The following PDE1C variants were observed in gnomAD, a reference collection of about 807,000 sequenced individuals.
PDE1C encodes the protein dual specificity calcium/calmodulin-dependent 3',5'-cyclic nucleotide phosphodiesterase 1C.
A neutral mutation model predicts 93.1 loss-of-function variants in PDE1C; 62 were observed. The observed-to-expected ratio is 0.67, with a 90% CI of 0.54 to 0.82. The LOEUF is 0.82. PDE1C is among the 40% of genes least tolerant of loss of function. PDE1C has a pLI of 0.00. For missense variants in PDE1C, 742 were observed against 884.6 expected (o/e 0.84, Z 2.04); for synonymous variants, 325 against 310.1 (o/e 1.05, Z -0.50).
intron 2 of PDE1C, among the ~76,000 whole-genome samples, chr7:31,933,234 TA>T (rs200217566): frequency 3.3e-5 from 5 of 150,946 alleles, no homozygotes; most frequent in Admixed American, 2.6e-4. Flanking sequence ...AAGTTTAATT[TA>T]AAAAAAAAGA....
chr7:32,316,468 T>C (rs1383471299), intron 1 of PDE1C, among the ~76,000 whole-genome samples: 6 of 152,226 alleles, frequency 3.9e-5, no homozygotes, highest in Non-Finnish European at 8.8e-5. Flanking sequence ...CGATACCTTG[T>C]ATATCGGTAC....
At chr7:31,844,965 T>C (rs1792369682) in intron 9 of PDE1C, among the ~76,000 whole-genome samples, 1 of 152,148 alleles carries the variant, frequency 6.6e-6, no homozygotes, top group Non-Finnish European at 1.5e-5. Context: ...ATTCTAAATG[T>C]AGACATTTTA....
intron 2 of PDE1C, among the ~76,000 whole-genome samples, chr7:32,188,827 A>G (rs1313375560): frequency 6.6e-6 from 1 of 152,150 alleles, no homozygotes; most frequent in Non-Finnish European, 1.5e-5. Context: ...GAGCTTGTTA[A>G]TTTTCACAAG....
intron 16 of PDE1C, among the ~76,000 whole-genome samples, chr7:31,804,191 C>T (rs1381557671): frequency 6.6e-6 from 1 of 151,814 alleles, no homozygotes; most frequent in Non-Finnish European, 1.5e-5. Flanking sequence ...ATTTTGATCC[C>T]TTTTATGTCT....
At chr7:32,425,876 G>A (rs575847871) in intron 1 of PDE1C, among the ~76,000 whole-genome samples, 1 of 152,234 alleles carries the variant, frequency 6.6e-6, no homozygotes, top group Admixed American at 6.5e-5. Flanking sequence ...AGGAGGTTGA[G>A]GCTTCAGTAA....
intron 1 of PDE1C, among the ~76,000 whole-genome samples, chr7:32,212,753 A>G (rs1403100289): frequency 6.6e-6 from 1 of 152,064 alleles, no homozygotes; most frequent in Non-Finnish European, 1.5e-5. Flanking sequence ...TCACTTCTGA[A>G]AAGCCTCCTC....
At chr7:32,406,779 G>A (rs575124090) in intron 1 of PDE1C, among the ~76,000 whole-genome samples, 1 of 152,250 alleles carries the variant, frequency 6.6e-6, no homozygotes, top group Non-Finnish European at 1.5e-5. Flanking sequence ...TGGAAATGAA[G>A]AGCAAGGATT....
At position 32,040,654 on chromosome 7, in the gene PDE1C, G is replaced by A. The variant is rs140803665; in HGVS notation, c.128+10900C>T. ...AATGAAATACAGTGTTGTTTACTCT[G>A]TGATAGTTTAAAGAACATAAATTTT... On this transcript the variant is annotated intron_variant, in intron 2 of 17. Transcript: ENST00000396191. Among the ~76,000 whole-genome samples, 682 of 152,252 alleles carry A rather than the reference G, an allele frequency of 4.5e-3. 4 individuals are homozygous for A. The highest frequency in any genetic ancestry group is 0.013 in the African/African-American group (529 of 41,548).
intron 2 of PDE1C, among the ~76,000 whole-genome samples, chr7:31,999,054 C>T (rs60966656): frequency 0.026 from 4,007 of 152,226 alleles, 173 homozygotes; most frequent in African/African-American, 0.092. Flanking sequence ...TTCAGAAACT[C>T]TTTCCTATGC....
upstream of PDE1C, chr7:32,070,946 T>TGCCTTCGCGCCC: frequency 1.0e-6 from 1 of 985,328 alleles, no homozygotes; most frequent in Non-Finnish European, 1.2e-6. Flanking sequence ...TGGCCGCGCC[T>TGCCTTCGCGCCC]GCCTTCGCGC....
chr7:32,374,796 T>A (rs1399489381), intron 1 of PDE1C, among the ~76,000 whole-genome samples: 3 of 152,240 alleles, frequency 2.0e-5, no homozygotes, highest in African/African-American at 7.2e-5. Context: ...ATCTAAGGTT[T>A]TGAGCAAAAC....
the PDE1C span, among the ~76,000 whole-genome samples, chr7:31,685,270 C>T: frequency 6.8e-3 from 1,030 of 152,126 alleles, 4 homozygotes; most frequent in Non-Finnish European, 9.7e-3. Context: ...TAGGAAGGAA[C>T]GGAGGGGGGC....
At chr7:32,047,537 G>C (rs1792770072) in intron 2 of PDE1C, among the ~76,000 whole-genome samples, 1 of 152,092 alleles carries the variant, frequency 6.6e-6, no homozygotes, top group African/African-American at 2.4e-5. Context: ...ATTTGGTCTT[G>C]GAAGAGATTA....
chr7:31,905,886 G>A (rs550987867), intron 2 of PDE1C, among the ~76,000 whole-genome samples: 96 of 152,228 alleles, frequency 6.3e-4, no homozygotes, highest in Non-Finnish European at 1.2e-3. Context: ...AAGATCTGAT[G>A]GTTTTAAACG....
intron 5 of PDE1C, among the ~76,000 whole-genome samples, chr7:31,877,344 C>T (rs1407638210): frequency 6.6e-6 from 1 of 152,096 alleles, no homozygotes; most frequent in East Asian, 1.9e-4. Flanking sequence ...CAGGATTTAG[C>T]CCATTTAAAC....
intron 1 of PDE1C, among the ~76,000 whole-genome samples, chr7:32,360,516 G>C (rs376763264): frequency 6.6e-6 from 1 of 152,168 alleles, no homozygotes; most frequent in East Asian, 1.9e-4. Context: ...TCTGGTTCTT[G>C]TCCATTCAGA....
rs143382854 is a variant in PDE1C at position 32,232,333 on chromosome 7, T to A, written c.86-22794A>T. On this transcript the variant is annotated intron_variant, in intron 1 of 18. Transcript: ENST00000396193. Reference sequence around the variant, plus strand: ...ATTCTAATAGGGGAAATCTCCTATATTTTTTTCTATTGTCCATTCTTTTGC... The same window carrying A: ...ATTCTAATAGGGGAAATCTCCTATAATTTTTTCTATTGTCCATTCTTTTGC... Among the ~76,000 whole-genome samples, 5 of 152,306 alleles carry A rather than the reference T, an allele frequency of 3.3e-5. No individual in the cohort carries two copies. In the East Asian group the frequency reaches 7.7e-4, roughly 23 times the overall value.
the PDE1C span, chr7:31,707,360 T>G: frequency 1.0e-5 from 13 of 1,244,198 alleles, no homozygotes; most frequent in Non-Finnish European, 2.3e-6. Context: ...ATAGACTTGT[T>G]TCTGCTCTCA....
exon 1 of PDE1C, chr7:32,428,012 C>G (rs937037493): frequency 2.0e-5 from 3 of 152,304 alleles, no homozygotes; most frequent in Non-Finnish European, 4.4e-5. Flanking sequence ...TTTTAGGGAG[C>G]GCGAATGGGT....
Sources: allele counts gnomAD v4.1 joint callset (sites outside exome capture counted in the v4.1 genomes callset), GRCh38; gene constraint gnomAD v4.1.1; transcripts MANE v1.5; gene names NCBI Gene and HGNC (gene_info 2026-07-23, HGNC 2026-07-21).